Variants in PNPO observed in about 807,000 individuals in gnomAD.
PNPO encodes pyridoxine-5'-phosphate oxidase.
A neutral mutation model predicts 35.0 loss-of-function variants in PNPO; 39 were observed. That is an observed-to-expected ratio of 1.11 (90% CI 0.86 to 1.45). PNPO has a LOEUF of 1.45. PNPO is among the 40% of genes most tolerant of loss of function. The probability of loss-of-function intolerance (pLI) is 0.00; values close to 1 mark genes in which losing one functional copy is unlikely to be tolerated. For synonymous variants in PNPO, 115 were observed against 119.8 expected, an observed-to-expected ratio of 0.96 and a Z score of 0.26; for missense variants, 288 against 340.0, an observed-to-expected ratio of 0.85 and a Z score of 1.20.
At chr17:47,942,156 A>G (rs2035945911) in intron 1 of PNPO, 1 of 552,166 alleles carries the variant, frequency 1.8e-6, no homozygotes, top group African/African-American at 2.0e-5. Flanking sequence ...CGGGGATGTT[A>G]TGGTCTAAGA....
intron 1 of PNPO, chr17:47,942,196 T>C: frequency 4.1e-6 from 1 of 245,538 alleles, no homozygotes; most frequent in Non-Finnish European, 6.9e-6. Flanking sequence ...ACCCTGCTAC[T>C]CGACAGGTAG....
intron 5 of PNPO, 155 bp downstream of exon 5, chr17:47,946,144 G>A (rs71377329): frequency 6.1e-6 from 7 of 1,149,040 alleles, no homozygotes; most frequent in African/African-American, 1.5e-5. Context: ...GGGAAAGTGG[G>A]GGTAGGGAGA....
chr17:47,943,221 G>A, intron 1 of PNPO, 85 bp from the exon 2 acceptor site: 1 of 1,121,968 alleles, frequency 8.9e-7, no homozygotes, highest in East Asian at 2.5e-5. Context: ...TAAATGAGTT[G>A]ATTTTTGAAA....
At position 47,947,860 on chromosome 17, in the gene PNPO, T is replaced by TC. The variant is rs1326921197; in HGVS notation, c.*1080dup. 3.9e-5 allele frequency: 6 copies of TC among 152,242 alleles called. No individual in the cohort carries two copies. The highest frequency in any genetic ancestry group is 5.9e-5 in the Non-Finnish European group (4 of 68,076). The allele number at this position is 152,242 out of a possible 1,614,324, so 9.4% of individuals were successfully genotyped here. A position where few individuals can be genotyped will look rare whatever the true frequency, so the allele number is the denominator to read the frequency against. ...TTTCATTATGTTGGCCAGGCTGGTC[T>TC]CCAACTCCTGACCTAAAGTGATCTG... On this transcript the variant is annotated 3_prime_UTR_variant, in exon 7 of 7. Coordinates refer to ENST00000642017, the MANE Select transcript of PNPO (RefSeq NM_018129.4).
At chr17:47,944,738 C>A in intron 3 of PNPO, 23 bp downstream of exon 3, 1 of 1,579,872 alleles carries the variant, frequency 6.3e-7, no homozygotes, top group South Asian at 1.1e-5. Context: ...AGCTAGTAAT[C>A]TTTCCCAGGG....
chr17:47,946,467 A>C, intron 6 of PNPO, 74 bp downstream of exon 6: 1 of 1,394,086 alleles, frequency 7.2e-7, no homozygotes, highest in Non-Finnish European at 1.0e-6. Context: ...CTGCCTGGGG[A>C]ATCACAGATC....
At position 47,946,406 on chromosome 17, in the gene PNPO, T is replaced by G. The variant is rs1380238473; in HGVS notation, c.617+13T>G. On this transcript the variant is annotated intron_variant, in intron 6 of 6. Coordinates refer to ENST00000642017, the MANE Select transcript of PNPO (RefSeq NM_018129.4). ...AGCCAAAATCCTGGTGAGTGACATC[T>G]GGTAGTCCTCTAGAAAGGGACACCA... The G allele has an allele frequency of 6.3e-7, 1 of 1,599,554 alleles. No homozygotes were observed. The highest frequency in any genetic ancestry group is 8.6e-7 in the Non-Finnish European group (1 of 1,166,742).
Position 47,946,182 on chromosome 17 carries a change from G to C in PNPO, c.547-141G>C, listed in dbSNP as rs2036006421. The stretch of plus-strand genomic sequence containing the variant: ...GGAAATAGGCCTCCTCTGTCCATCT[G>C]GCCATCCTGTTGACTGCTCCTGGAG... On this transcript the variant is annotated intron_variant, in intron 5 of 6. Transcript: ENST00000642017. 4 of 994,952 alleles carry C rather than the reference G, an allele frequency of 4.0e-6. No individual in the cohort carries two copies. The African/African-American group carries it at 6.3e-5, about 16-fold the overall frequency. 61.6% of individuals were successfully genotyped at this position (994,952 alleles called of 1,614,324 possible).
rs766998961 is a variant in PNPO at position 47,945,953 on chromosome 17, G to A, written c.510G>A (p.Val170=). ...CCAAGAGCAGCCAGATTGGGGCTGT[G>A]GTCAGCCACCAGAGTTCTGTGATCC... The part of the protein sequence containing the change: ...SRPKSSQIGA[V]VSHQSSVIPD... The change falls in exon 5 of 7, where the codon GTG becomes GTA. Residue 170 remains valine (V), a synonymous_variant. Coordinates refer to ENST00000642017, the MANE Select transcript of PNPO (RefSeq NM_018129.4). This position sits in a 1 kb window ranked among gnomAD's most constrained non-coding sequence, Gnocchi z 4.0. 7 of 1,614,016 alleles carry A rather than the reference G, an allele frequency of 4.3e-6. No individual in the cohort carries two copies. Among genetic ancestry groups the A allele is most frequent in the Non-Finnish European group, 5.9e-6 (7 of 1,180,032 alleles).
intron 1 of PNPO, 34 bp downstream of exon 1, chr17:47,941,847 C>A: frequency 1.3e-6 from 2 of 1,538,244 alleles, no homozygotes; most frequent in Non-Finnish European, 1.8e-6. Flanking sequence ...CCTGCAGGGG[C>A]GGGGGAAAAG....
At position 47,945,867 on chromosome 17, in the gene PNPO, G is replaced by A. The variant is rs775146263; in HGVS notation, c.424G>A (p.Val142Met). Residue 142 changes from valine to methionine, a missense_variant, in exon 5 of 7, where the codon GTG (valine) becomes ATG (methionine). Val to Met is a conservative substitution (Grantham distance 21, BLOSUM62 1). Coordinates refer to ENST00000642017, the MANE Select transcript of PNPO (RefSeq NM_018129.4). The surrounding 1 kb of genome is among the most constrained non-coding windows in gnomAD (Gnocchi z 4.0). ...YWEPLNRQVR[V>M]EGPVKKLPEE... ...CAGAGCCATCCCTGAGCAGGTGCGT[G>A]TGGAAGGCCCTGTGAAGAAACTGCC... The A allele has an allele frequency of 6.2e-7, 1 of 1,613,616 alleles. No individual in the cohort carries two copies. Among genetic ancestry groups the A allele is most frequent in the South Asian group, 1.1e-5 (1 of 91,084 alleles).
At chr17:47,941,925 CG>C (rs1450832131) in intron 1 of PNPO, 112 bp downstream of exon 1, 2 of 1,384,092 alleles carry the variant, frequency 1.4e-6, no homozygotes. Flanking sequence ...TGGGGCCACC[CG>C]GTGGGGCAAG....
Position 47,946,818 on chromosome 17 carries a change from T to C in PNPO, c.*36T>C. Reference sequence around the variant, plus strand: ...TGCTGGCCCAGAGTGGAGCTAGGGCTAGGTGTCAAGAGAGGGTGTGGGATT... The same window carrying C: ...TGCTGGCCCAGAGTGGAGCTAGGGCCAGGTGTCAAGAGAGGGTGTGGGATT... On this transcript the variant is annotated 3_prime_UTR_variant, in exon 7 of 7. Transcript: ENST00000642017. 6.2e-7 allele frequency: 1 copy of C among 1,604,462 alleles called. No homozygotes were observed.
Position 47,945,087 on chromosome 17 carries a change from G to A in PNPO, c.363+372G>A. ...ACTGAGCATTTGTTTGGGTGATTAT[G>A]TAACTGATATTTGTCTCCTCTGCTC... On this transcript the variant is annotated intron_variant, in intron 3 of 6. Transcript: ENST00000642017. This position sits in a 1 kb window ranked among gnomAD's most constrained non-coding sequence, Gnocchi z 4.0. 2.6e-6 allele frequency: 1 copy of A among 389,818 alleles called. No homozygotes were observed. The highest frequency in any genetic ancestry group is 2.2e-5 in the South Asian group (1 of 46,136). The allele number at this position is 389,818 out of a possible 1,614,324, so 24.1% of individuals were successfully genotyped here.
intron 6 of PNPO, 107 bp from the exon 7 acceptor site, chr17:47,946,507 C>A (rs1026384080): frequency 5.6e-6 from 8 of 1,426,280 alleles, no homozygotes; most frequent in Non-Finnish European, 6.9e-6. Flanking sequence ...TTGTCAGATG[C>A]ATCCCAGCAA....
At position 47,945,131 on chromosome 17, in the gene PNPO, A is replaced by G; in HGVS notation, c.363+416A>G. 1 of 379,030 alleles carries G rather than the reference A, an allele frequency of 2.6e-6. No individual in the cohort carries two copies. The highest frequency in any genetic ancestry group is 5.0e-6 in the Non-Finnish European group (1 of 198,680). 23.5% of individuals were successfully genotyped at this position (379,030 alleles called of 1,614,324 possible). A position where few individuals can be genotyped will look rare whatever the true frequency, so the allele number is the denominator to read the frequency against. ...TCTGCTCAACAGTAAGCTCTGTAGG[A>G]GTGGAGGCTGCTCTGTTTTATCTCT... is the stretch of plus-strand genomic sequence containing the variant. On this transcript the variant is annotated intron_variant, in intron 3 of 6. Transcript: ENST00000642017. This position sits in a 1 kb window ranked among gnomAD's most constrained non-coding sequence, Gnocchi z 4.0.
At chr17:47,941,982 A>T in intron 1 of PNPO, 169 bp downstream of exon 1, 1 of 1,349,518 alleles carries the variant, frequency 7.4e-7, no homozygotes, top group Non-Finnish European at 9.5e-7. Context: ...CTTCAAAGAC[A>T]TCCCACCAGG....
rs183778928 is a variant in PNPO at position 47,945,021 on chromosome 17, T to C, written c.363+306T>C. ...CCCCTCATGCTGTTTGCTGCCATTA[T>C]AACTTGCAACTTTCTTTTTTGTCTT... is the stretch of plus-strand genomic sequence containing the variant. On this transcript the variant is annotated intron_variant, in intron 3 of 6. Transcript: ENST00000642017. The surrounding 1 kb of genome is among the most constrained non-coding windows in gnomAD (Gnocchi z 4.0). The C allele has an allele frequency of 1.1e-3, 504 of 464,492 alleles. 2 individuals are homozygous for C. Among genetic ancestry groups the C allele is most frequent in the Non-Finnish European group, 1.8e-3 (450 of 251,426 alleles). 28.8% of individuals were successfully genotyped at this position (464,492 alleles called of 1,614,324 possible).
rs1279243421 is a variant in PNPO at position 47,949,079 on chromosome 17, G to GT, written c.*2299dup. The GT allele has an allele frequency of 6.6e-6, 1 of 152,406 alleles. No individual in the cohort carries two copies. Among genetic ancestry groups the GT allele is most frequent in the Non-Finnish European group, 1.5e-5 (1 of 68,174 alleles). The allele number at this position is 152,406 out of a possible 1,614,324, so 9.4% of individuals were successfully genotyped here. ...TGTGGCCCCCTGCAGGCAGGAGGGT[G>GT]TTGGGTGCCCTTACCTACCTTGCCC... On this transcript the variant is annotated 3_prime_UTR_variant, in exon 7 of 7. Transcript: ENST00000642017.
Sources: allele counts gnomAD v4.1 joint callset, GRCh38; gene constraint gnomAD v4.1.1; non-coding constraint Gnocchi (gnomAD v3.1); transcripts MANE v1.5; gene names NCBI Gene and HGNC (gene_info 2026-07-23, HGNC 2026-07-21).